Variants in GLI2 observed in about 807,000 individuals in gnomAD.
The protein encoded by GLI2 is transcription activator GLI2.
A neutral mutation model predicts 78.9 loss-of-function variants in GLI2; 22 were observed. The ratio of observed to expected loss-of-function variants is 0.28; its 90% CI spans 0.20 to 0.40. The LOEUF (loss-of-function observed/expected upper bound fraction) is 0.40. Among genes scored for constraint, GLI2 ranks in the 10% least tolerant of loss-of-function variants. The probability of loss-of-function intolerance (pLI) is 1.00; values close to 1 mark genes in which losing one functional copy is unlikely to be tolerated. For missense variants in GLI2, 2,097 were observed against 2,213.2 expected (o/e 0.95, Z 1.05); for synonymous variants, 974 against 963.7 (o/e 1.01, Z -0.20).
At chr2:120,768,526 C>T (rs1683433786) in intron 1 of GLI2, among the ~76,000 whole-genome samples, 2 of 152,232 alleles carry the variant, frequency 1.3e-5, no homozygotes, top group Non-Finnish European at 2.9e-5. Context: ...TACAGAGTGA[C>T]TTGTTGCACA....
intron 2 of GLI2, among the ~76,000 whole-genome samples, chr2:120,824,548 T>G (rs145104989): frequency 6.6e-6 from 1 of 152,322 alleles, no homozygotes; most frequent in Non-Finnish European, 1.5e-5. Flanking sequence ...CAGGTGCTTG[T>G]CATTAGCCAC....
chr2:120,897,145 G>A (rs1363575272), intron 2 of GLI2, among the ~76,000 whole-genome samples: 11 of 152,154 alleles, frequency 7.2e-5, no homozygotes, highest in African/African-American at 9.7e-5. Flanking sequence ...CAGCCGCCAC[G>A]CCCTCTCCAT....
At chr2:120,837,169 C>T (rs1315028196) in intron 2 of GLI2, among the ~76,000 whole-genome samples, 4 of 151,892 alleles carry the variant, frequency 2.6e-5, no homozygotes, top group Non-Finnish European at 5.9e-5. Flanking sequence ...CCGAGGCGGG[C>T]GGATCACGAG....
At chr2:120,967,669 CAT>C (rs1681924890) in intron 5 of GLI2, among the ~76,000 whole-genome samples, 2 of 152,264 alleles carry the variant, frequency 1.3e-5, no homozygotes, top group African/African-American at 2.4e-5. Flanking sequence ...CATGTGTACA[CAT>C]GTCTGCGTGT....
intron 1 of GLI2, among the ~76,000 whole-genome samples, chr2:120,773,724 G>A (rs1444128973): frequency 1.3e-5 from 2 of 152,120 alleles, no homozygotes; most frequent in East Asian, 1.9e-4. Context: ...GGTGGCAGGT[G>A]GCAGGCAGCA....
At chr2:120,801,717 G>A (rs1018741703) in intron 2 of GLI2, among the ~76,000 whole-genome samples, 25 of 152,142 alleles carry the variant, frequency 1.6e-4, no homozygotes, top group East Asian at 3.9e-4. Flanking sequence ...GGCCCCAGCC[G>A]GAAAGCTCGG....
At chr2:120,970,187 G>A (rs1189394092) in intron 6 of GLI2, among the ~76,000 whole-genome samples, 1 of 152,154 alleles carries the variant, frequency 6.6e-6, no homozygotes, top group African/African-American at 2.4e-5. Flanking sequence ...ACATCCTGGG[G>A]CAGAACCTGG....
At chr2:120,819,239 A>T (rs1481207264) in intron 2 of GLI2, among the ~76,000 whole-genome samples, 16 of 116,748 alleles carry the variant, frequency 1.4e-4, no homozygotes, top group South Asian at 3.0e-4. Context: ...ACTAATAGAG[A>T]TTTTTTTTTT....
At chr2:120,809,655 C>T (rs556420767) in intron 2 of GLI2, among the ~76,000 whole-genome samples, 130 of 152,292 alleles carry the variant, frequency 8.5e-4, no homozygotes, top group South Asian at 5.4e-3. Context: ...CTCACAGCCC[C>T]TGGGATCTCC....
intron 3 of GLI2, among the ~76,000 whole-genome samples, chr2:120,944,575 G>A (rs949440922): frequency 6.6e-6 from 1 of 152,206 alleles, no homozygotes; most frequent in Non-Finnish European, 1.5e-5. Flanking sequence ...GGCCTGCCAG[G>A]GGACCACCAA....
At chr2:120,863,854 C>A (rs73949947) in intron 2 of GLI2, among the ~76,000 whole-genome samples, 1 of 152,098 alleles carries the variant, frequency 6.6e-6, no homozygotes, top group Non-Finnish European at 1.5e-5. Context: ...TTCCAGGAAG[C>A]CTTTTGCTTG....
At chr2:120,960,067 A>G (rs970211752) in intron 5 of GLI2, among the ~76,000 whole-genome samples, 1 of 152,156 alleles carries the variant, frequency 6.6e-6, no homozygotes, top group African/African-American at 2.4e-5. Context: ...TCATGCACAC[A>G]CGCTGGTTGA....
intron 3 of GLI2, among the ~76,000 whole-genome samples, chr2:120,931,359 T>C (rs1679936912): frequency 1.3e-5 from 2 of 152,228 alleles, no homozygotes; most frequent in South Asian, 4.1e-4. Flanking sequence ...TCTCCCCTGC[T>C]TCTCTCTTCT....
At chr2:120,972,575 G>A (rs1682238901) in intron 8 of GLI2, 1 of 506,534 alleles carries the variant, frequency 2.0e-6, no homozygotes, top group Admixed American at 2.0e-5. Flanking sequence ...GGCATGTGCT[G>A]TGTGCACACC....
chr2:120,856,139 C>G (rs1438109526), intron 2 of GLI2, among the ~76,000 whole-genome samples: 1 of 152,196 alleles, frequency 6.6e-6, no homozygotes, highest in East Asian at 1.9e-4. Context: ...ACTCCTCAGC[C>G]TGAGTTCTCC....
At chr2:120,909,801 C>T (rs1449079473) in intron 2 of GLI2, among the ~76,000 whole-genome samples, 2 of 152,198 alleles carry the variant, frequency 1.3e-5, no homozygotes, top group Non-Finnish European at 2.9e-5. Flanking sequence ...GGAGGCGGAG[C>T]TTGCAGTGAG....
At chr2:120,973,103 A>G (rs545763549) in intron 8 of GLI2, among the ~76,000 whole-genome samples, 2 of 152,264 alleles carry the variant, frequency 1.3e-5, no homozygotes, top group South Asian at 4.1e-4. Flanking sequence ...ACTGTGAACC[A>G]TCAGGCATGC....
chr2:120,969,043 C>G lies in GLI2; in HGVS notation c.845+128C>G, dbSNP rs1682008565. The G allele has an allele frequency of 5.6e-6, 4 of 711,304 alleles. No homozygotes were observed. The South Asian group carries it at 6.0e-5, about 11-fold the overall frequency. 44.1% of individuals were successfully genotyped at this position (711,304 alleles called of 1,614,324 possible). On this transcript the variant is annotated intron_variant, in intron 6 of 13. Transcript: ENST00000361492. Reference sequence around the variant, plus strand: ...GACAGGACCTGTGGCATTTGTGAATCCACATACTTGCACCTTTTTTATGAA... The same window carrying G: ...GACAGGACCTGTGGCATTTGTGAATGCACATACTTGCACCTTTTTTATGAA...
intron 3 of GLI2, among the ~76,000 whole-genome samples, chr2:120,933,126 G>A (rs577881681): frequency 1.4e-4 from 21 of 152,244 alleles, no homozygotes; most frequent in East Asian, 9.6e-4. Flanking sequence ...CTGACCACCC[G>A]GCTGTAAACA....
Sources: gnomAD v4.1 joint callset for allele counts (sites outside exome capture counted in the v4.1 genomes callset) on GRCh38, gnomAD v4.1.1 for gene constraint, MANE v1.5 for transcripts, NCBI Gene and HGNC (gene_info 2026-07-23, HGNC 2026-07-21) for gene names.